The following LDLRAP1 variants were observed in gnomAD, a reference collection of about 807,000 sequenced individuals.
LDLRAP1 encodes the protein low density lipoprotein receptor adaptor protein 1, also known as low density lipoprotein receptor adapter protein 1.
A neutral mutation model predicts 37.8 loss-of-function variants in LDLRAP1; 30 were observed. The ratio of observed to expected loss-of-function variants is 0.79; its 90% CI spans 0.59 to 1.08. The LOEUF is 1.08. LDLRAP1 is among the 50% of genes least tolerant of loss of function. The pLI is 0.00. For synonymous variants in LDLRAP1, 156 were observed against 169.8 expected (o/e 0.92, Z 0.63); for missense variants, 375 against 401.6 (o/e 0.93, Z 0.57).
chr1:25,562,708 C>T lies in LDLRAP1; in HGVS notation c.524C>T (p.Ser175Phe). The T allele has an allele frequency of 6.2e-7, 1 of 1,614,026 alleles. No individual in the cohort carries two copies. The highest frequency in any genetic ancestry group is 8.5e-7 in the Non-Finnish European group (1 of 1,179,900). The change falls in exon 5 of 9, where the codon TCC becomes TTC. Residue 175 changes from serine (S) to phenylalanine (F), a missense_variant. Physicochemically the swap from Ser to Phe is radical, Grantham distance 155. Coordinates refer to ENST00000374338, the MANE Select transcript of LDLRAP1 (RefSeq NM_015627.3). ...FKVAFEFWQV[S>F]KEEKEKRDKA... Reference sequence around the variant, plus strand: ...GTCGCCTTTGAGTTTTGGCAGGTGTCCAAGGAAGGTGAGACTTTGCATCTA... The same window carrying T: ...GTCGCCTTTGAGTTTTGGCAGGTGTTCAAGGAAGGTGAGACTTTGCATCTA...
downstream of LDLRAP1, among the ~76,000 whole-genome samples, chr1:25,573,748 C>G (rs562715210): frequency 6.6e-6 from 1 of 152,184 alleles, no homozygotes; most frequent in Non-Finnish European, 1.5e-5. Flanking sequence ...CTGACCTGAT[C>G]GAGATGTGAA....
chr1:25,581,251 C>G, the LDLRAP1 span, among the ~76,000 whole-genome samples: 1 of 152,076 alleles, frequency 6.6e-6, no homozygotes, highest in Non-Finnish European at 1.5e-5. Context: ...GCTGAGTAAA[C>G]TAGGAGGGCA....
At chr1:25,553,770 CA>C (rs34367689) in intron 1 of LDLRAP1, 151 bp from the exon 2 acceptor site, 158,805 of 586,614 alleles carry the variant, frequency 0.27, 3,638 homozygotes, top group African/African-American at 0.49. Flanking sequence ...AACTCAGTCT[CA>C]AAAAAAAAAA....
At chr1:25,588,518 T>TC in the LDLRAP1 span, among the ~76,000 whole-genome samples, 1 of 152,178 alleles carries the variant, frequency 6.6e-6, no homozygotes, top group Non-Finnish European at 1.5e-5. Context: ...GCACAGCACT[T>TC]AATTCTTAAC....
downstream of LDLRAP1, among the ~76,000 whole-genome samples, chr1:25,572,546 C>G (rs888147498): frequency 2.6e-5 from 4 of 152,084 alleles, no homozygotes; most frequent in African/African-American, 4.8e-5. Flanking sequence ...CTGGGAGAGC[C>G]CCTGATGGTT....
At chr1:25,580,044 G>A in the LDLRAP1 span, among the ~76,000 whole-genome samples, 9 of 152,184 alleles carry the variant, frequency 5.9e-5, no homozygotes, top group Non-Finnish European at 8.8e-5. Flanking sequence ...TCAGGCAATC[G>A]GCTGGAGAAG....
the LDLRAP1 span, among the ~76,000 whole-genome samples, chr1:25,586,246 G>A: frequency 6.6e-6 from 1 of 152,064 alleles, no homozygotes; most frequent in Non-Finnish European, 1.5e-5. This position sits in a 1 kb window ranked among gnomAD's most constrained non-coding sequence, Gnocchi z 4.3. Context: ...AGAAGAGAAA[G>A]CGCGACCAAG....
chr1:25,572,746 A>G (rs1160863719), downstream of LDLRAP1, among the ~76,000 whole-genome samples: 1 of 152,174 alleles, frequency 6.6e-6, no homozygotes, highest in Non-Finnish European at 1.5e-5. Context: ...GAAGGGGCCC[A>G]TGTGCTTGCA....
chr1:25,577,678 G>A, the LDLRAP1 span, among the ~76,000 whole-genome samples: 1 of 152,230 alleles, frequency 6.6e-6, no homozygotes, highest in Non-Finnish European at 1.5e-5. Flanking sequence ...TGAGGCACCT[G>A]GCGGGGACAA....
At chr1:25,559,714 C>T (rs1477245708) in intron 4 of LDLRAP1, among the ~76,000 whole-genome samples, 4 of 152,206 alleles carry the variant, frequency 2.6e-5, no homozygotes, top group African/African-American at 9.7e-5. Flanking sequence ...CCAACCCAGG[C>T]TGACAGTGTG....
chr1:25,575,699 C>T, the LDLRAP1 span, among the ~76,000 whole-genome samples: 4 of 152,266 alleles, frequency 2.6e-5, no homozygotes, highest in Non-Finnish European at 4.4e-5. Flanking sequence ...GAGGCGGGAC[C>T]GGCGTCTTGG....
Position 25,554,107 on chromosome 1 carries a change from G to A in LDLRAP1, c.231+43G>A, listed in dbSNP as rs369288119. ...GAAGGGTGGGGGAACCAGGGACCAA[G>A]GACCAGCTTCTTCCCAGGGTGCCCT... On this transcript the variant is annotated intron_variant, in intron 2 of 8. Transcript: ENST00000374338. The surrounding 1 kb of genome is among the most constrained non-coding windows in gnomAD (Gnocchi z 5.4). 224 of 1,609,754 alleles carry A rather than the reference G, an allele frequency of 1.4e-4. No homozygotes were observed. The highest frequency in any genetic ancestry group is 1.8e-4 in the Non-Finnish European group (210 of 1,179,458).
At chr1:25,558,253 C>T (rs921840195) in intron 4 of LDLRAP1, among the ~76,000 whole-genome samples, 1 of 152,180 alleles carries the variant, frequency 6.6e-6, no homozygotes, top group East Asian at 1.9e-4. Flanking sequence ...CTCTGAGCCC[C>T]AGTCCCCATG....
intron 4 of LDLRAP1, among the ~76,000 whole-genome samples, chr1:25,557,891 T>A (rs952243567): frequency 1.9e-4 from 5 of 26,984 alleles, no homozygotes; most frequent in African/African-American, 3.0e-4. Flanking sequence ...TTTTTTCTTC[T>A]TTTTTTTAAA....
At chr1:25,586,562 G>A in the LDLRAP1 span, among the ~76,000 whole-genome samples, 6 of 149,722 alleles carry the variant, frequency 4.0e-5, no homozygotes, top group Admixed American at 6.7e-5. This position sits in a 1 kb window ranked among gnomAD's most constrained non-coding sequence, Gnocchi z 4.3. Context: ...GTGTGTGTAC[G>A]TGCGTGTGTG....
chr1:25,558,675 G>C (rs989621103), intron 4 of LDLRAP1, among the ~76,000 whole-genome samples: 11 of 152,132 alleles, frequency 7.2e-5, no homozygotes, highest in Non-Finnish European at 1.3e-4. Context: ...TCACATTGCT[G>C]CTTTTAGCTC....
chr1:25,545,696 A>G lies in LDLRAP1; in HGVS notation c.88+1910A>G, dbSNP rs145809837. Among the ~76,000 whole-genome samples the G allele has an allele frequency of 1.2e-4, 19 of 152,270 alleles. No individual in the cohort carries two copies. In the East Asian group the frequency reaches 3.5e-3, roughly 28 times the overall value. ...GTCCTGGAGCCTCTGGATCTGAAGG[A>G]GGGCAGGCCGAGCCCCACCTGTCCC... On this transcript the variant is annotated intron_variant, in intron 1 of 8. Transcript: ENST00000374338.
intron 1 of LDLRAP1, among the ~76,000 whole-genome samples, chr1:25,552,213 C>T (rs1424737183): frequency 1.3e-5 from 2 of 152,216 alleles, no homozygotes; most frequent in Admixed American, 6.5e-5. Flanking sequence ...ACCCAGACTT[C>T]TGCTCTTGAC....
At chr1:25,585,389 G>A in the LDLRAP1 span, among the ~76,000 whole-genome samples, 1 of 150,900 alleles carries the variant, frequency 6.6e-6, no homozygotes, top group African/African-American at 2.4e-5. Flanking sequence ...GCAGTGGCAC[G>A]ACCTCGGCTC....
Sources: allele counts gnomAD v4.1 joint callset (sites outside exome capture counted in the v4.1 genomes callset), GRCh38; gene constraint gnomAD v4.1.1; non-coding constraint Gnocchi (gnomAD v3.1); transcripts MANE v1.5; gene names NCBI Gene and HGNC (gene_info 2026-07-23, HGNC 2026-07-21).